Variants in ERBB4 observed in about 807,000 individuals in gnomAD.
The protein encoded by ERBB4 is erb-b2 receptor tyrosine kinase 4.
ERBB4 carries 42 observed loss-of-function variants against 158.0 expected under a neutral mutation model. The ratio of observed to expected loss-of-function variants is 0.27; its 90% CI spans 0.21 to 0.34. The LOEUF is 0.34. Ranked by LOEUF, ERBB4 falls within the 10% of genes least tolerant of loss-of-function variation. ERBB4 has a pLI of 1.00. For synonymous variants in ERBB4, 583 were observed against 558.7 expected, an observed-to-expected ratio of 1.04 and a Z score of -0.61; for missense variants, 1,333 against 1,624.1, an observed-to-expected ratio of 0.82 and a Z score of 3.08.
In ERBB4 at chr2:211,592,541, G is replaced by A. The variant is rs571161225; in HGVS notation, c.2301+26636C>T. Among the ~76,000 whole-genome samples, 29 of 152,278 alleles carry A rather than the reference G, an allele frequency of 1.9e-4. No homozygotes were observed. In the South Asian group the frequency reaches 5.6e-3, roughly 29 times the overall value. On this transcript the variant is annotated intron_variant, in intron 19 of 27. Transcript: ENST00000342788. ...AGCATCCAGTGAATGATTGATTGCTGCAAAGGATGCATGAAAAATAAAACT... is the reference window on the plus strand; with the variant it reads ...AGCATCCAGTGAATGATTGATTGCTACAAAGGATGCATGAAAAATAAAACT...
intron 1 of ERBB4, among the ~76,000 whole-genome samples, chr2:212,426,618 A>G (rs910695775): frequency 1.3e-5 from 2 of 152,118 alleles, no homozygotes; most frequent in African/African-American, 4.8e-5. Flanking sequence ...TATATCTAAC[A>G]TCACTGATCT....
chr2:212,059,703 AT>A (rs553266442), intron 2 of ERBB4, among the ~76,000 whole-genome samples: 125 of 152,350 alleles, frequency 8.2e-4, no homozygotes, highest in Non-Finnish European at 1.4e-3. Flanking sequence ...AAGATTCCCT[AT>A]TTAATAAATG....
At chr2:212,134,308 G>C (rs1435713012) in intron 1 of ERBB4, among the ~76,000 whole-genome samples, 1 of 151,240 alleles carries the variant, frequency 6.6e-6, no homozygotes, top group Admixed American at 6.6e-5. Flanking sequence ...GTATAATTCT[G>C]GATTTTATTG....
At chr2:212,412,970 G>T (rs1367914346) in intron 1 of ERBB4, among the ~76,000 whole-genome samples, 10 of 150,282 alleles carry the variant, frequency 6.7e-5, no homozygotes, top group African/African-American at 2.0e-4. Context: ...TGTTTTTTTT[G>T]TTTGTTTGTT....
intron 3 of ERBB4, among the ~76,000 whole-genome samples, chr2:211,804,198 G>T (rs2076562462): frequency 6.6e-6 from 1 of 152,130 alleles, no homozygotes; most frequent in Non-Finnish European, 1.5e-5. Context: ...CTGTTTATAG[G>T]ATTAACATAA....
At chr2:212,009,594 AAACCATTTTC>A (rs781140046) in intron 2 of ERBB4, among the ~76,000 whole-genome samples, 4 of 152,178 alleles carry the variant, frequency 2.6e-5, no homozygotes, top group Non-Finnish European at 4.4e-5. Flanking sequence ...TACCAAATCA[AAACCATTTTC>A]AAAACAGTCT....
At chr2:212,232,323 G>T (rs1233246876) in intron 1 of ERBB4, among the ~76,000 whole-genome samples, 1 of 152,102 alleles carries the variant, frequency 6.6e-6, no homozygotes, top group African/African-American at 2.4e-5. Context: ...AAGAAATGCT[G>T]TTAAATAAAG....
intron 1 of ERBB4, among the ~76,000 whole-genome samples, chr2:212,459,509 A>G (rs1227350250): frequency 6.6e-6 from 1 of 152,156 alleles, no homozygotes; most frequent in Admixed American, 6.6e-5. Flanking sequence ...ATACTGTGAA[A>G]ATGACCATAC....
chr2:211,713,155 T>C (rs898543904), intron 8 of ERBB4, among the ~76,000 whole-genome samples: 1 of 152,206 alleles, frequency 6.6e-6, no homozygotes, highest in African/African-American at 2.4e-5. Context: ...TCTCTTTTTA[T>C]GCTTAGCAGA....
intron 2 of ERBB4, among the ~76,000 whole-genome samples, chr2:212,010,235 T>G (rs540810314): frequency 8.5e-5 from 13 of 152,256 alleles, no homozygotes; most frequent in African/African-American, 2.9e-4. Context: ...CTTGAAGACA[T>G]GGATAAGGTA....
intron 1 of ERBB4, among the ~76,000 whole-genome samples, chr2:212,363,940 A>G (rs1157156145): frequency 6.6e-6 from 1 of 151,754 alleles, no homozygotes; most frequent in African/African-American, 2.4e-5. Flanking sequence ...GATCAGAGAA[A>G]TTGTGCTTCC....
chr2:211,611,494 T>C (rs1408788789), intron 19 of ERBB4, among the ~76,000 whole-genome samples: 1 of 145,618 alleles, frequency 6.9e-6, no homozygotes, highest in Non-Finnish European at 1.5e-5. Flanking sequence ...GTTGCTCTAA[T>C]CCAGCTGTAA....
chr2:211,439,006 G>GTGTGTGTGTAAGCA (rs2063916884), intron 20 of ERBB4, among the ~76,000 whole-genome samples: 1 of 151,940 alleles, frequency 6.6e-6, no homozygotes, highest in Non-Finnish European at 1.5e-5. Flanking sequence ...GTGTGTGTGT[G>GTGTGTGTGTAAGCA]TGTGTGTGTA....
chr2:211,579,000 C>G (rs1396002026), intron 19 of ERBB4, among the ~76,000 whole-genome samples: 1 of 152,050 alleles, frequency 6.6e-6, no homozygotes, highest in African/African-American at 2.4e-5. Context: ...AAACTACCTT[C>G]AAAGCAAACA....
At chr2:212,169,393 A>G (rs971759769) in intron 1 of ERBB4, among the ~76,000 whole-genome samples, 1 of 152,122 alleles carries the variant, frequency 6.6e-6, no homozygotes, top group African/African-American at 2.4e-5. Flanking sequence ...CAAACCTGAC[A>G]AAAACAAGCA....
chr2:212,436,259 T>A (rs2092134872), intron 1 of ERBB4, among the ~76,000 whole-genome samples: 1 of 151,924 alleles, frequency 6.6e-6, no homozygotes, highest in South Asian at 2.1e-4. Flanking sequence ...ATCAATTCAT[T>A]TAGAAACCAA....
At chr2:212,415,153 T>C (rs1247547586) in intron 1 of ERBB4, among the ~76,000 whole-genome samples, 1 of 152,144 alleles carries the variant, frequency 6.6e-6, no homozygotes, top group East Asian at 1.9e-4. Flanking sequence ...CGTACTTTGG[T>C]ATCCTAGAAG....
At chr2:211,512,790 A>G (rs1330123760) in intron 20 of ERBB4, among the ~76,000 whole-genome samples, 3 of 152,024 alleles carry the variant, frequency 2.0e-5, no homozygotes, top group Non-Finnish European at 4.4e-5. Context: ...AGATTTGCAT[A>G]ATAACACAAC....
intron 1 of ERBB4, among the ~76,000 whole-genome samples, chr2:212,298,498 T>A (rs1453542678): frequency 2.0e-5 from 3 of 151,734 alleles, no homozygotes; most frequent in Non-Finnish European, 4.4e-5. Context: ...GGAACTGTCA[T>A]AACTAGTCCT....
Sources: allele counts gnomAD v4.1 joint callset (sites outside exome capture counted in the v4.1 genomes callset), GRCh38; gene constraint gnomAD v4.1.1; transcripts MANE v1.5; gene names NCBI Gene and HGNC (gene_info 2026-07-23, HGNC 2026-07-21).